Variants in PCDHA5 observed in about 807,000 individuals in gnomAD.
PCDHA5 encodes the protein protocadherin alpha-5.
In PCDHA5, 43 loss-of-function variants were observed where a neutral mutation model predicts 61.6. The observed-to-expected ratio is 0.70, with a 90% CI of 0.55 to 0.90. The LOEUF (loss-of-function observed/expected upper bound fraction) is 0.90, where lower values mean the gene tolerates loss of function less well. Among genes scored for constraint, PCDHA5 ranks in the 40% least tolerant of loss-of-function variants. The pLI is 0.00. For missense variants in PCDHA5, 1,298 were observed against 1,222.7 expected, an observed-to-expected ratio of 1.06 and a Z score of -0.92; for synonymous variants, 627 against 543.9, an observed-to-expected ratio of 1.15 and a Z score of -2.13.
intron 1 of PCDHA5, chr5:140,830,436 T>C (rs2150186408): frequency 1.3e-5 from 21 of 1,612,796 alleles, no homozygotes; most frequent in South Asian, 5.5e-5. Flanking sequence ...TGTCCTATTA[T>C]GATGGGTAAG....
intron 1 of PCDHA5, among the ~76,000 whole-genome samples, chr5:140,913,960 TA>T (rs201352444): frequency 2.0e-5 from 3 of 152,168 alleles, no homozygotes; most frequent in Non-Finnish European, 2.9e-5. Context: ...ATATCATTTT[TA>T]AAAAAATATT....
At chr5:140,870,392 G>T in intron 1 of PCDHA5, 1 of 1,614,254 alleles carries the variant, frequency 6.2e-7, no homozygotes, top group Non-Finnish European at 8.5e-7. Context: ...CGGGATGGGG[G>T]TTCGCCTTCT....
intron 1 of PCDHA5, among the ~76,000 whole-genome samples, chr5:140,923,219 C>T (rs557006469): frequency 1.3e-5 from 2 of 152,094 alleles, no homozygotes; most frequent in East Asian, 1.9e-4. Context: ...GTGAAAGGAT[C>T]GTTTGAGCCC....
intron 1 of PCDHA5, chr5:140,866,007 T>A (rs568957330): frequency 6.6e-6 from 1 of 152,272 alleles, no homozygotes; most frequent in East Asian, 1.9e-4. Context: ...TGTTAAGTGA[T>A]TTTTTTCTTG....
chr5:140,828,893 G>C (rs2150160291), intron 1 of PCDHA5: 2 of 1,614,238 alleles, frequency 1.2e-6, no homozygotes, highest in Non-Finnish European at 1.7e-6. Flanking sequence ...GAATGCTTCT[G>C]ATCGGGATGA....
intron 1 of PCDHA5, chr5:140,876,833 C>A: frequency 1.2e-6 from 2 of 1,614,176 alleles, no homozygotes; most frequent in Admixed American, 1.7e-5. Flanking sequence ...AATGCGCCTG[C>A]GTTCGCGCAG....
In PCDHA5 at chr5:140,848,974, C is replaced by T. The variant is rs2150427496; in HGVS notation, c.2352+24847C>T. On this transcript the variant is annotated intron_variant, in intron 1 of 3. Coordinates refer to ENST00000529859, the MANE Select transcript of PCDHA5 (RefSeq NM_018908.3). ...TTTCCACTAGAGGGCGCGTCCGATG[C>T]AGATATCGGGGAGAACGCCCTGCTC... 302 of 1,600,986 alleles carry T rather than the reference C, an allele frequency of 1.9e-4. 1 individual carries two copies. The highest frequency in any genetic ancestry group is 2.4e-4 in the Non-Finnish European group (280 of 1,171,990).
rs371868883 is a variant in PCDHA5 at position 140,856,649 on chromosome 5, C to A, written c.2352+32522C>A. ...GCTTGTTCTGCGGAAGCTGCTGGAT[C>A]GTGAAGAAAATCCTCAGCTAAAGTT... On this transcript the variant is annotated intron_variant, in intron 1 of 3. Transcript: ENST00000529859. 8 of 1,598,072 alleles carry A rather than the reference C, an allele frequency of 5.0e-6. 2 individuals carry two copies. The African/African-American group carries it at 6.7e-5, about 13-fold the overall frequency.
chr5:140,898,464 T>C (rs2066757130), intron 1 of PCDHA5, among the ~76,000 whole-genome samples: 1 of 152,198 alleles, frequency 6.6e-6, no homozygotes, highest in Admixed American at 6.5e-5. Flanking sequence ...CCCCATTGCT[T>C]GTTTTTCTCA....
rs1554262529 is a variant in PCDHA5 at position 141,009,890 on chromosome 5, G to A, written c.2764G>A (p.Glu922Lys). 8.1e-6 allele frequency: 13 copies of A among 1,612,626 alleles called. No homozygotes were observed. Among genetic ancestry groups the A allele is most frequent in the Non-Finnish European group, 1.1e-5 (13 of 1,179,746 alleles). ...AAAGAAGAAGGGTAACAAGACCCAG[G>A]AGAAAAAAGAGAAAGGGAACAGCAC... Reference protein sequence around the residue: ...KKKKKGNKTQEKKEKGNSTTD... With the variant: ...KKKKKGNKTQKKKEKGNSTTD... The change falls in exon 4 of 4, where the codon GAG becomes AAG. Residue 922 changes from glutamate to lysine, a missense_variant. Glu to Lys is a moderately conservative substitution (Grantham distance 56). Coordinates refer to ENST00000529859, the MANE Select transcript of PCDHA5 (RefSeq NM_018908.3).
At chr5:140,964,454 T>C (rs1392277569) in intron 1 of PCDHA5, among the ~76,000 whole-genome samples, 1 of 152,132 alleles carries the variant, frequency 6.6e-6, no homozygotes, top group Admixed American at 6.5e-5. Flanking sequence ...CTGTAATCTC[T>C]TCCTTAAGTG....
At chr5:140,927,412 G>T (rs781968521) in intron 1 of PCDHA5, 1 of 1,614,122 alleles carries the variant, frequency 6.2e-7, no homozygotes, top group East Asian at 2.2e-5. Flanking sequence ...CCTGGACATG[G>T]GATCGCGGGT....
intron 1 of PCDHA5, chr5:140,882,963 T>C (rs2059384915): frequency 3.7e-6 from 6 of 1,614,088 alleles, no homozygotes; most frequent in Admixed American, 1.7e-5. Context: ...CTCATCACGA[T>C]TCTGGACGTG....
rs2150186408 is a variant in PCDHA5, at chr5:140,830,436, T to A, written c.2352+6309T>A. On this transcript the variant is annotated intron_variant, in intron 1 of 3. Transcript: ENST00000529859. ...CCCAGCCTTTCACCTTGTCCTATTA[T>A]GATGGGTAAGGCGGAGAATCAGGAT... is the stretch of plus-strand genomic sequence containing the variant. The A allele has an allele frequency of 1.5e-5, 24 of 1,612,796 alleles. No homozygotes were observed. The South Asian group carries it at 2.0e-4, about 13-fold the overall frequency.
rs2150176322 is a variant in PCDHA5, at chr5:140,829,855, C to T, written c.2352+5728C>T. 3 of 1,613,928 alleles carry T rather than the reference C, an allele frequency of 1.9e-6. No individual in the cohort carries two copies. In the South Asian group the frequency reaches 3.3e-5, roughly 18 times the overall value. ...TGGTGCCGCGGTCACTGGGTGCAGG[C>T]CAAGTGGTGGCGAAGGTGCGCGCAG... On this transcript the variant is annotated intron_variant, in intron 1 of 3. Transcript: ENST00000529859.
chr5:140,879,816 G>C (rs1232945342), intron 1 of PCDHA5, among the ~76,000 whole-genome samples: 9 of 152,196 alleles, frequency 5.9e-5, no homozygotes, highest in African/African-American at 2.2e-4. Flanking sequence ...TTGGCTGTTG[G>C]TGTTCCCTGG....
chr5:140,826,533 T>C (rs1313512596), intron 1 of PCDHA5, among the ~76,000 whole-genome samples: 3 of 152,198 alleles, frequency 2.0e-5, no homozygotes, highest in African/African-American at 7.2e-5. Context: ...AAAAGTCTTA[T>C]TGGTGACTCT....
At chr5:140,967,072 C>T in intron 1 of PCDHA5, 1 of 1,613,106 alleles carries the variant, frequency 6.2e-7, no homozygotes, top group Non-Finnish European at 8.5e-7. Flanking sequence ...TCTTCGTCAA[C>T]GAGCGCATTG....
chr5:140,836,237 G>C (rs2150256194), intron 1 of PCDHA5: 6 of 1,613,720 alleles, frequency 3.7e-6, no homozygotes, highest in Non-Finnish European at 5.1e-6. Flanking sequence ...CGGCCGGTGC[G>C]AGCATCCCGT....
Sources: gnomAD v4.1 joint callset for allele counts (sites outside exome capture counted in the v4.1 genomes callset) on GRCh38, gnomAD v4.1.1 for gene constraint, MANE v1.5 for transcripts, NCBI Gene and HGNC (gene_info 2026-07-23, HGNC 2026-07-21) for gene names.